DOCK8: variants seen among roughly 807,000 people sequenced by gnomAD.
DOCK8 encodes dedicator of cytokinesis 8.
In DOCK8, 141 loss-of-function variants were observed where a neutral mutation model predicts 245.6. The observed-to-expected ratio is 0.57, with a 90% CI of 0.50 to 0.66. The LOEUF (loss-of-function observed/expected upper bound fraction) is 0.66. DOCK8 is among the 30% of genes least tolerant of loss of function. The pLI is 0.00. For synonymous variants in DOCK8, 1,168 were observed against 970.2 expected, an observed-to-expected ratio of 1.20 and a Z score of -3.79; for missense variants, 2,965 against 2,603.4, an observed-to-expected ratio of 1.14 and a Z score of -3.02.
In DOCK8 at chr9:443,499, A is replaced by C; in HGVS notation, c.5563A>C (p.Lys1855Gln). ...AGACTCCACTCCTGTGGACAAAACCAAGTTGGATCCTAACAAGGTATACAA... is the reference window on the plus strand; with the variant it reads ...AGACTCCACTCCTGTGGACAAAACCCAGTTGGATCCTAACAAGGTATACAA... The part of the protein sequence containing the change: ...IKDSTPVDKT[K>Q]LDPNKAYIQI... Residue 1855 changes from lysine (K) to glutamine (Q), a missense_variant, in exon 43 of 48, where the codon AAG becomes CAG. Physicochemically the swap from Lys to Gln is moderately conservative, Grantham distance 53. Coordinates refer to ENST00000432829, the MANE Select transcript of DOCK8 (RefSeq NM_203447.4). 1 of 1,614,054 alleles carries C rather than the reference A, an allele frequency of 6.2e-7. No homozygotes were observed. The highest frequency in any genetic ancestry group is 8.5e-7 in the Non-Finnish European group (1 of 1,179,966).
At chr9:359,740 T>A (rs1009374195) in intron 14 of DOCK8, among the ~76,000 whole-genome samples, 1 of 150,876 alleles carries the variant, frequency 6.6e-6, no homozygotes, top group East Asian at 1.9e-4. Flanking sequence ...AATGACAGCA[T>A]CTTTGTTCAT....
chr9:271,164 A>G (rs1419128683), intron 1 of DOCK8, among the ~76,000 whole-genome samples: 2 of 152,228 alleles, frequency 1.3e-5, no homozygotes, highest in Non-Finnish European at 2.9e-5. Flanking sequence ...TATTCATACA[A>G]CAGTTCTCTG....
intron 21 of DOCK8, 68 bp from the exon 22 acceptor site, chr9:382,445 C>T: frequency 2.5e-6 from 4 of 1,603,886 alleles, no homozygotes; most frequent in Non-Finnish European, 3.4e-6. Flanking sequence ...CTCTTCAATT[C>T]CTTCTTAAAC....
chr9:256,107 T>G (rs895586182), intron 1 of DOCK8, among the ~76,000 whole-genome samples: 18 of 152,234 alleles, frequency 1.2e-4, no homozygotes, highest in African/African-American at 3.9e-4. Flanking sequence ...GAACTTATTT[T>G]ATATCTAGAT....
intron 1 of DOCK8, among the ~76,000 whole-genome samples, chr9:245,033 A>C (rs10122726): frequency 6.6e-6 from 1 of 151,834 alleles, no homozygotes; most frequent in South Asian, 2.1e-4. Context: ...ACATCAGGAG[A>C]GTTTATCATC....
intron 14 of DOCK8, among the ~76,000 whole-genome samples, chr9:354,346 C>T (rs1162122061): frequency 6.6e-6 from 1 of 152,102 alleles, no homozygotes; most frequent in African/African-American, 2.4e-5. Flanking sequence ...TATATTATGT[C>T]CTTAGACCAG....
At position 404,375 on chromosome 9, in the gene DOCK8, C is replaced by T. The variant is rs2055315694; in HGVS notation, c.3235-543C>T. 2.0e-5 allele frequency among the ~76,000 whole-genome samples: 3 copies of T among 152,084 alleles called. No individual in the cohort carries two copies. The South Asian group carries it at 6.2e-4, about 31-fold the overall frequency. On this transcript the variant is annotated intron_variant, in intron 26 of 47. Transcript: ENST00000432829. The stretch of plus-strand genomic sequence containing the variant: ...TCCTCTCTCAGTCTGGGACAAGCTC[C>T]TTGAGTTTTTTGCAGGTACTATGTA...
intron 1 of DOCK8, among the ~76,000 whole-genome samples, chr9:216,739 A>T (rs1321313188): frequency 6.6e-6 from 1 of 152,052 alleles, no homozygotes; most frequent in East Asian, 1.9e-4. Context: ...TGAATTTTAG[A>T]TCAGGAAGTG....
chr9:406,385 G>T (rs746669844), intron 27 of DOCK8, among the ~76,000 whole-genome samples: 15 of 151,702 alleles, frequency 9.9e-5, no homozygotes, highest in Non-Finnish European at 1.8e-4. Context: ...TACTTGGGAC[G>T]CTGAGGCATG....
chr9:232,697 G>A (rs1366645936), intron 1 of DOCK8, among the ~76,000 whole-genome samples: 10 of 152,192 alleles, frequency 6.6e-5, no homozygotes, highest in African/African-American at 2.4e-4. Flanking sequence ...GGTGTTTATA[G>A]TATTCTCTGA....
At chr9:443,253 T>C (rs2057148613) in intron 42 of DOCK8, among the ~76,000 whole-genome samples, 174 bp from the exon 43 acceptor site, 2 of 152,224 alleles carry the variant, frequency 1.3e-5, no homozygotes, top group Admixed American at 6.5e-5. Context: ...CAGTGCTATT[T>C]TTATTTTTGT....
intron 6 of DOCK8, among the ~76,000 whole-genome samples, chr9:315,689 C>A (rs1045748550): frequency 8.5e-5 from 13 of 152,214 alleles, no homozygotes; most frequent in African/African-American, 2.6e-4. Flanking sequence ...ATAGATGAAA[C>A]CAGAATGCCC....
At chr9:348,780 C>A (rs1464148052) in intron 14 of DOCK8, among the ~76,000 whole-genome samples, 1 of 152,182 alleles carries the variant, frequency 6.6e-6, no homozygotes, top group East Asian at 1.9e-4. Context: ...GACGGGACAG[C>A]TTTGGGAAAC....
chr9:432,117 T>A (rs2056734951), intron 36 of DOCK8, 49 bp from the exon 37 acceptor site: 1 of 1,598,000 alleles, frequency 6.3e-7, no homozygotes. Flanking sequence ...TATCTACTGC[T>A]AAGTGTGTCT....
chr9:442,098 G>C (rs1257145033), intron 42 of DOCK8, 89 bp downstream of exon 42: 2 of 1,552,576 alleles, frequency 1.3e-6, no homozygotes, highest in African/African-American at 2.7e-5. Flanking sequence ...CAAATAAAGA[G>C]TTATGGATTC....
At chr9:349,048 T>G (rs2052034967) in intron 14 of DOCK8, among the ~76,000 whole-genome samples, 1 of 152,206 alleles carries the variant, frequency 6.6e-6, no homozygotes, top group Non-Finnish European at 1.5e-5. Flanking sequence ...CGTCTTATAC[T>G]TCCAGATCGT....
chr9:384,206 A>G (rs1017188898), intron 22 of DOCK8, among the ~76,000 whole-genome samples: 4 of 152,214 alleles, frequency 2.6e-5, no homozygotes, highest in Non-Finnish European at 5.9e-5. Context: ...AGATTATGAT[A>G]TTATTCACAT....
rs116737402 is a variant in DOCK8, at chr9:452,615, C to G, written c.6068+498C>G. The G allele has an allele frequency of 5.2e-3, 797 of 153,094 alleles. 4 individuals carry two copies. The highest frequency in any genetic ancestry group is 0.018 in the African/African-American group (741 of 41,588). 9.5% of individuals were successfully genotyped at this position (153,094 alleles called of 1,614,324 possible). ...AATGTGCTGATATTCCACTGATGCA[C>G]TAGAGTCCCAGAGGTTCTTTGCATT... is the stretch of plus-strand genomic sequence containing the variant. On this transcript the variant is annotated intron_variant, in intron 46 of 47. Coordinates refer to ENST00000432829, the MANE Select transcript of DOCK8 (RefSeq NM_203447.4).
At position 390,067 on chromosome 9, in the gene DOCK8, A is replaced by G. The variant is rs186976606; in HGVS notation, c.2875-404A>G. 5.3e-3 allele frequency among the ~76,000 whole-genome samples: 809 copies of G among 152,222 alleles called. 5 individuals carry two copies. The highest frequency in any genetic ancestry group is 0.017 in the Middle Eastern group (5 of 294). ...CTGCTGCCACCAACCAACTGATTTT[A>G]TGGATGAGAAAACTGAGGGTGAAGA... On this transcript the variant is annotated intron_variant, in intron 23 of 47. Transcript: ENST00000432829.
Sources: allele counts gnomAD v4.1 joint callset (sites outside exome capture counted in the v4.1 genomes callset), GRCh38; gene constraint gnomAD v4.1.1; transcripts MANE v1.5; gene names NCBI Gene and HGNC (gene_info 2026-07-23, HGNC 2026-07-21).